The following WDFY1 variants were observed in gnomAD, a reference collection of about 807,000 sequenced individuals.
WDFY1 encodes WD repeat and FYVE domain-containing protein 1.
Under a neutral mutation model 56.4 loss-of-function variants are expected in WDFY1, and 32 were observed. The ratio of observed to expected loss-of-function variants is 0.57; its 90% CI spans 0.43 to 0.76. The LOEUF (loss-of-function observed/expected upper bound fraction) is 0.76. Ranked by LOEUF, WDFY1 falls within the 30% of genes least tolerant of loss-of-function variation. The pLI is 0.00. For synonymous variants in WDFY1, 192 were observed against 197.3 expected (o/e 0.97, Z 0.23); for missense variants, 480 against 545.7 (o/e 0.88, Z 1.20).
chr2:223,894,279 C>T lies in WDFY1; in HGVS notation c.786G>A (p.Ser262=), dbSNP rs138145969. 2.9e-4 allele frequency: 475 copies of T among 1,614,032 alleles called. 1 individual carries two copies. The highest frequency in any genetic ancestry group is 9.8e-5 in the Non-Finnish European group (116 of 1,180,022). ...QLTRQLVSCS[S]DGGIAVWNMD... ...TGTTCCACACTGCAATTCCGCCGTC[C>T]GAGGAACAGGAGACGAGCTGCCTGG... The change falls in exon 8 of 12, where the codon TCG becomes TCA. Residue 262 remains serine (S), a synonymous_variant. Coordinates refer to ENST00000233055, the MANE Select transcript of WDFY1 (RefSeq NM_020830.5).
At chr2:223,883,880 G>A (rs1001037728) in intron 9 of WDFY1, among the ~76,000 whole-genome samples, 4 of 151,898 alleles carry the variant, frequency 2.6e-5, no homozygotes, top group Admixed American at 2.0e-4. Flanking sequence ...TCCTGACCTC[G>A]GGTGATCCAC....
At chr2:223,907,789 G>A (rs1203651714) in intron 3 of WDFY1, among the ~76,000 whole-genome samples, 2 of 152,180 alleles carry the variant, frequency 1.3e-5, no homozygotes, top group African/African-American at 2.4e-5. Flanking sequence ...AACTGCATGG[G>A]CAGGGAGCCT....
Position 223,895,635 on chromosome 2 carries a change from G to T in WDFY1, c.599-5C>A, listed in dbSNP as rs201750291. ...ACCAGAGGCAGGCGACACTACCTAG[G>T]GATTTGTGAGAGAGAGAGAGAGAGG... On this transcript the variant is annotated splice_polypyrimidine_tract_variant and splice_region_variant and intron_variant, in intron 6 of 11. Coordinates refer to ENST00000233055, the MANE Select transcript of WDFY1 (RefSeq NM_020830.5). 1 of 1,613,374 alleles carries T rather than the reference G, an allele frequency of 6.2e-7. No individual in the cohort carries two copies.
At chr2:223,886,748 A>AAAT (rs1291323339) in intron 8 of WDFY1, among the ~76,000 whole-genome samples, 1 of 151,284 alleles carries the variant, frequency 6.6e-6, no homozygotes, top group Non-Finnish European at 1.5e-5. Context: ...AAAAAAAAAA[A>AAAT]AGCCTGTTTA....
At chr2:223,944,807 A>C in intron 1 of WDFY1, among the ~76,000 whole-genome samples, 1 of 143,078 alleles carries the variant, frequency 7.0e-6, no homozygotes, top group African/African-American at 2.7e-5. Context: ...GCGCACTGGA[A>C]CAGGGGTCCT....
intron 1 of WDFY1, among the ~76,000 whole-genome samples, chr2:223,933,787 C>T (rs112314113): frequency 0.027 from 2,970 of 109,548 alleles, 89 homozygotes; most frequent in Middle Eastern, 0.083. Context: ...TGAGACCCCC[C>T]CCCATCTCTA....
intron 1 of WDFY1, among the ~76,000 whole-genome samples, chr2:223,935,879 G>C (rs1311269601): frequency 6.6e-6 from 1 of 152,106 alleles, no homozygotes; most frequent in Non-Finnish European, 1.5e-5. Context: ...CTGAATACAG[G>C]AGAGAGGGCA....
chr2:223,925,413 T>G (rs961033210), intron 1 of WDFY1, among the ~76,000 whole-genome samples: 1 of 152,160 alleles, frequency 6.6e-6, no homozygotes, highest in Non-Finnish European at 1.5e-5. Flanking sequence ...TACCTTAGTT[T>G]TAAAATACTT....
rs1485551077 is a variant in WDFY1 at position 223,877,250 on chromosome 2, T to C, written c.*1421A>G. 6.6e-6 allele frequency: 1 copy of C among 152,076 alleles called. No individual in the cohort carries two copies. Among genetic ancestry groups the C allele is most frequent in the Non-Finnish European group, 1.5e-5 (1 of 68,014 alleles). The allele number at this position is 152,076 out of a possible 1,614,324, so 9.4% of individuals were successfully genotyped here. ...CAAATTTAGTCCTTTAGTTTTATCA[T>C]ATGGAATGACCCTATTGTCCTGGTA... On this transcript the variant is annotated 3_prime_UTR_variant, in exon 12 of 12. Transcript: ENST00000233055.
intron 8 of WDFY1, among the ~76,000 whole-genome samples, chr2:223,887,794 C>A (rs1203645346): frequency 2.0e-5 from 3 of 152,138 alleles, no homozygotes; most frequent in Non-Finnish European, 2.9e-5. Flanking sequence ...AAAGAAAAAT[C>A]ACTGAATGAA....
In WDFY1 at chr2:223,907,517, CTG is replaced by C. The variant is rs532369150; in HGVS notation, c.280-1518_280-1517del. On this transcript the variant is annotated intron_variant, in intron 3 of 11. Coordinates refer to ENST00000233055, the MANE Select transcript of WDFY1 (RefSeq NM_020830.5). ...TGCATTGCCCCTTTCCATTGAACAA[CTG>C]TAACAGTTCTTATGTGCCATCCTAT... 2.6e-5 allele frequency among the ~76,000 whole-genome samples: 4 copies of C among 152,290 alleles called. No individual in the cohort carries two copies. The South Asian group carries it at 8.3e-4, about 32-fold the overall frequency.
Position 223,888,899 on chromosome 2 carries a change from CTCTTT to C in WDFY1, c.832-4155_832-4151del, listed in dbSNP as rs527504669. Among the ~76,000 whole-genome samples the C allele has an allele frequency of 1.2e-3, 126 of 106,858 alleles. 5 individuals are homozygous for C. In the South Asian group the frequency reaches 0.042, roughly 36 times the overall value. The allele number at this position is 106,858 out of a possible 152,430, so 70.1% of individuals were successfully genotyped here. Reference sequence around the variant, plus strand: ...CACCGTGCCTGGCCTAAATTCTCAACTCTTTTTTTTTTTTTTTTTTTTGAGATGGA... The same window carrying C: ...CACCGTGCCTGGCCTAAATTCTCAACTTTTTTTTTTTTTTTTTGAGATGGA... On this transcript the variant is annotated intron_variant, in intron 8 of 11. Coordinates refer to ENST00000233055, the MANE Select transcript of WDFY1 (RefSeq NM_020830.5).
intron 1 of WDFY1, among the ~76,000 whole-genome samples, chr2:223,928,960 G>A (rs1233675597): frequency 3.9e-5 from 6 of 152,158 alleles, no homozygotes; most frequent in Non-Finnish European, 5.9e-5. Flanking sequence ...CCAGACTAGA[G>A]GTGCCTGGGT....
chr2:223,928,976 G>A (rs1694030446), intron 1 of WDFY1, among the ~76,000 whole-genome samples: 1 of 152,142 alleles, frequency 6.6e-6, no homozygotes, highest in Non-Finnish European at 1.5e-5. Flanking sequence ...TGGGTAGCCA[G>A]GGGCCTTGAT....
intron 1 of WDFY1, among the ~76,000 whole-genome samples, chr2:223,938,710 T>C (rs1384034852): frequency 6.6e-6 from 1 of 152,188 alleles, no homozygotes; most frequent in African/African-American, 2.4e-5. Flanking sequence ...TATTCCACAT[T>C]GGCTTAATAC....
intron 1 of WDFY1, among the ~76,000 whole-genome samples, chr2:223,928,560 T>G (rs1029357100): frequency 6.6e-6 from 1 of 152,156 alleles, no homozygotes; most frequent in Non-Finnish European, 1.5e-5. Context: ...TTGAGGCACT[T>G]AGGGACTTAT....
chr2:223,917,389 A>T (rs1424963165), intron 2 of WDFY1, among the ~76,000 whole-genome samples: 1 of 146,028 alleles, frequency 6.8e-6, no homozygotes, highest in Non-Finnish European at 1.5e-5. Context: ...ACTGAGGAGA[A>T]CATGTTCATT....
chr2:223,912,144 C>T (rs765226119), intron 3 of WDFY1, 109 bp downstream of exon 3: 9 of 1,124,866 alleles, frequency 8.0e-6, no homozygotes, highest in African/African-American at 3.3e-5. Flanking sequence ...GCCAAACAAT[C>T]GAGCATCCAT....
chr2:223,923,321 T>C (rs893068667), intron 1 of WDFY1, among the ~76,000 whole-genome samples: 3 of 152,214 alleles, frequency 2.0e-5, no homozygotes, highest in African/African-American at 7.2e-5. Flanking sequence ...TACCAAATGG[T>C]TGTAAAAATA....
Sources: gnomAD v4.1 joint callset for allele counts (sites outside exome capture counted in the v4.1 genomes callset) on GRCh38, gnomAD v4.1.1 for gene constraint, MANE v1.5 for transcripts, NCBI Gene and HGNC (gene_info 2026-07-23, HGNC 2026-07-21) for gene names.